NRXN3: variants seen among roughly 807,000 people sequenced by gnomAD.
NRXN3 encodes neurexin 3.
A neutral mutation model predicts 137.6 loss-of-function variants in NRXN3; 32 were observed. That is an observed-to-expected ratio of 0.23 (90% confidence interval 0.18 to 0.31). The LOEUF (loss-of-function observed/expected upper bound fraction) is 0.31, where lower values mean the gene tolerates loss of function less well. Among genes scored for constraint, NRXN3 ranks in the 10% least tolerant of loss-of-function variants. The probability of loss-of-function intolerance (pLI) is 1.00; values close to 1 mark genes in which losing one functional copy is unlikely to be tolerated. For synonymous variants in NRXN3, 798 were observed against 784.5 expected, an observed-to-expected ratio of 1.02 and a Z score of -0.29; for missense variants, 1,574 against 2,062.5, an observed-to-expected ratio of 0.76 and a Z score of 4.59.
chr14:79,244,844 G>A (rs901266267), intron 15 of NRXN3, among the ~76,000 whole-genome samples: 1 of 152,118 alleles, frequency 6.6e-6, no homozygotes, highest in African/African-American at 2.4e-5. Context: ...TATCTTTTAA[G>A]TCTCCAAGGG....
chr14:79,824,306 C>T (rs1170663973), intron 20 of NRXN3, among the ~76,000 whole-genome samples: 1 of 152,136 alleles, frequency 6.6e-6, no homozygotes, highest in Non-Finnish European at 1.5e-5. Context: ...ACTGCAGCTA[C>T]AAAGATTATA....
intron 19 of NRXN3, among the ~76,000 whole-genome samples, chr14:79,759,480 C>A (rs911678750): frequency 4.0e-5 from 6 of 151,352 alleles, no homozygotes; most frequent in African/African-American, 7.3e-5. Flanking sequence ...TCTATAAAAT[C>A]TTTTATTTGA....
At chr14:78,750,900 C>A (rs1301535718) in intron 8 of NRXN3, among the ~76,000 whole-genome samples, 2 of 152,140 alleles carry the variant, frequency 1.3e-5, no homozygotes, top group African/African-American at 4.8e-5. Flanking sequence ...TACTTAAGGA[C>A]CCCAGGGGAA....
At chr14:79,076,073 T>A (rs2045923453) in intron 15 of NRXN3, among the ~76,000 whole-genome samples, 1 of 152,150 alleles carries the variant, frequency 6.6e-6, no homozygotes, top group Non-Finnish European at 1.5e-5. Context: ...ACCATCCTCA[T>A]GAGTTAGAGC....
chr14:79,483,457 A>G (rs1034616983), intron 16 of NRXN3, among the ~76,000 whole-genome samples: 2 of 152,224 alleles, frequency 1.3e-5, no homozygotes, highest in Admixed American at 1.3e-4. Flanking sequence ...TGGGAGGCCA[A>G]GGCAGGAGGA....
chr14:79,324,734 G>A (rs1566803214), intron 15 of NRXN3, among the ~76,000 whole-genome samples: 1 of 152,204 alleles, frequency 6.6e-6, no homozygotes, highest in Non-Finnish European at 1.5e-5. Context: ...GAGAACGTCT[G>A]TGGAGTTATA....
intron 10 of NRXN3, among the ~76,000 whole-genome samples, chr14:78,862,567 C>T (rs753133444): frequency 2.6e-5 from 4 of 151,964 alleles, no homozygotes; most frequent in South Asian, 4.2e-4. Flanking sequence ...ATCTCTAATT[C>T]GTATTTATAT....
intron 1 of NRXN3, among the ~76,000 whole-genome samples, chr14:78,239,306 C>T (rs967434120): frequency 6.6e-6 from 1 of 152,200 alleles, no homozygotes; most frequent in Admixed American, 6.5e-5. Context: ...ACTTGTCCCC[C>T]ACTAGTTTGT....
chr14:78,901,420 G>GGAA (rs1212407303), intron 10 of NRXN3, among the ~76,000 whole-genome samples: 5 of 151,858 alleles, frequency 3.3e-5, no homozygotes, highest in Non-Finnish European at 5.9e-5. Flanking sequence ...GGAGAACTTA[G>GGAA]GAATTTTTCA....
At chr14:78,789,349 T>C (rs2098798617) in intron 8 of NRXN3, among the ~76,000 whole-genome samples, 1 of 152,122 alleles carries the variant, frequency 6.6e-6, no homozygotes, top group Non-Finnish European at 1.5e-5. Context: ...TGGGGGTGAC[T>C]TTTCCCCCTA....
At chr14:78,341,269 CAT>C (rs1202477230) in intron 4 of NRXN3, among the ~76,000 whole-genome samples, 10 of 152,160 alleles carry the variant, frequency 6.6e-5, no homozygotes, top group Admixed American at 5.2e-4. Context: ...TTCAGACTCT[CAT>C]GTGTGCAGGA....
rs114488611 is a variant in NRXN3 at position 78,435,839 on chromosome 14, C to G, written c.757+137979C>G. On this transcript the variant is annotated intron_variant, in intron 4 of 20. Coordinates refer to ENST00000335750, the MANE Select transcript of NRXN3 (RefSeq NM_001330195.2). The stretch of plus-strand genomic sequence containing the variant: ...TCACATTTGCTTCTCTTTCTGGATG[C>G]GTTTCATCATGAAAGGGTTTGCAAG... 6.3e-3 allele frequency among the ~76,000 whole-genome samples: 960 copies of G among 152,332 alleles called. 9 individuals are homozygous for G. The highest frequency in any genetic ancestry group is 0.022 in the African/African-American group (903 of 41,572).
chr14:78,741,801 C>T (rs1168975226), intron 8 of NRXN3, among the ~76,000 whole-genome samples: 2 of 152,100 alleles, frequency 1.3e-5, no homozygotes, highest in Non-Finnish European at 2.9e-5. Flanking sequence ...ACTTGGTACC[C>T]TTGGACTCAG....
intron 15 of NRXN3, among the ~76,000 whole-genome samples, chr14:79,142,535 A>G (rs1034517831): frequency 6.6e-6 from 1 of 152,204 alleles, no homozygotes; most frequent in Admixed American, 6.5e-5. Flanking sequence ...ATGATCCAAT[A>G]TGGTTGAATT....
intron 19 of NRXN3, among the ~76,000 whole-genome samples, chr14:79,772,692 A>G (rs2099082796): frequency 6.6e-6 from 1 of 152,188 alleles, no homozygotes; most frequent in East Asian, 1.9e-4. Context: ...AAACCTAGGC[A>G]TTACCATTCA....
chr14:78,369,056 T>C (rs2086417281), intron 4 of NRXN3, among the ~76,000 whole-genome samples: 1 of 152,182 alleles, frequency 6.6e-6, no homozygotes, highest in Admixed American at 6.5e-5. Flanking sequence ...TTTGTTTCTG[T>C]AGGTTCTTGG....
At chr14:79,174,516 T>TATATATATATATAC (rs1555815317) in intron 15 of NRXN3, among the ~76,000 whole-genome samples, 1 of 148,722 alleles carries the variant, frequency 6.7e-6, no homozygotes, top group African/African-American at 2.4e-5. Context: ...TATATATATA[T>TATATATATATATAC]ATACACACAC....
At chr14:79,493,875 C>T (rs1179039316) in intron 16 of NRXN3, among the ~76,000 whole-genome samples, 1 of 152,154 alleles carries the variant, frequency 6.6e-6, no homozygotes, top group Non-Finnish European at 1.5e-5. Flanking sequence ...TACAAAGGTT[C>T]TGCTGTATAC....
chr14:79,593,524 G>C (rs758967995), intron 16 of NRXN3, among the ~76,000 whole-genome samples: 3 of 151,452 alleles, frequency 2.0e-5, no homozygotes, highest in Admixed American at 2.0e-4. Flanking sequence ...CCAGGTACTC[G>C]GGAGGCTGAG....
Sources: gnomAD v4.1 joint callset for allele counts (sites outside exome capture counted in the v4.1 genomes callset) on GRCh38, gnomAD v4.1.1 for gene constraint, MANE v1.5 for transcripts, NCBI Gene and HGNC (gene_info 2026-07-23, HGNC 2026-07-21) for gene names.